The following FAM227A variants were observed in gnomAD, a reference collection of about 807,000 sequenced individuals.
FAM227A encodes the protein family with sequence similarity 227 member A, also known as protein FAM227A.
FAM227A carries 80 observed loss-of-function variants against 74.7 expected under a neutral mutation model. The observed-to-expected ratio is 1.07, with a 90% CI of 0.89 to 1.29. FAM227A has a LOEUF of 1.29. FAM227A is among the 50% of genes most tolerant of loss of function. FAM227A has a pLI of 0.00. For synonymous variants in FAM227A, 237 were observed against 241.8 expected, an observed-to-expected ratio of 0.98 and a Z score of 0.19; for missense variants, 654 against 683.4, an observed-to-expected ratio of 0.96 and a Z score of 0.48.
chr22:38,578,341 G>A lies in FAM227A; in HGVS notation c.*7784C>T, dbSNP rs572060945. The A allele has an allele frequency of 6.6e-6, 1 of 152,144 alleles. No homozygotes were observed. The highest frequency in any genetic ancestry group is 2.4e-5 in the African/African-American group (1 of 41,434). 9.4% of individuals were successfully genotyped at this position (152,144 alleles called of 1,614,324 possible). On this transcript the variant is annotated 3_prime_UTR_variant, in exon 17 of 17. Coordinates refer to ENST00000535113, the MANE Select transcript of FAM227A (RefSeq NM_001013647.2). ...ACCGTCATATATTCAGTCAGCTGCT[G>A]ACTGAAACATCGTTACGTGGTGCAT...
chr22:38,609,929 G>A (rs988949302), intron 11 of FAM227A, among the ~76,000 whole-genome samples: 3 of 152,044 alleles, frequency 2.0e-5, no homozygotes, highest in African/African-American at 4.8e-5. Flanking sequence ...CCGCCACCAC[G>A]CTTGGGTAGG....
chr22:38,644,809 C>T (rs59545179), intron 3 of FAM227A, among the ~76,000 whole-genome samples: 2,442 of 152,208 alleles, frequency 0.016, 64 homozygotes, highest in African/African-American at 0.057. Context: ...AAGTTTAGGC[C>T]GGGCGTGGTG....
At chr22:38,626,350 G>A (rs544302309) in intron 8 of FAM227A, 47 bp from the exon 9 acceptor site, 37 of 1,522,028 alleles carry the variant, frequency 2.4e-5, no homozygotes, top group South Asian at 3.8e-5. Flanking sequence ...ATTTCCACCC[G>A]GCTTACATGA....
chr22:38,591,577 G>A, intron 15 of FAM227A, 37 bp from the exon 16 acceptor site: 1 of 1,442,130 alleles, frequency 6.9e-7, no homozygotes, highest in South Asian at 1.3e-5. Context: ...GAAAAAGGCT[G>A]GAGTGATTAA....
At chr22:38,649,042 C>G (rs2092285810) in intron 2 of FAM227A, among the ~76,000 whole-genome samples, 1 of 151,722 alleles carries the variant, frequency 6.6e-6, no homozygotes, top group Non-Finnish European at 1.5e-5. Flanking sequence ...ACCACAATTT[C>G]TTAGTTGCTA....
chr22:38,655,386 C>G (rs2145766977), intron 1 of FAM227A, among the ~76,000 whole-genome samples: 1 of 151,732 alleles, frequency 6.6e-6, no homozygotes, highest in Admixed American at 6.6e-5. Flanking sequence ...AAAAAATTAG[C>G]CGGGCATGGT....
At chr22:38,595,551 A>AGT (rs1369994654) in intron 15 of FAM227A, among the ~76,000 whole-genome samples, 1 of 152,274 alleles carries the variant, frequency 6.6e-6, no homozygotes, top group African/African-American at 2.4e-5. Context: ...ACCACTGATG[A>AGT]GTGCTAAAAC....
intron 10 of FAM227A, 112 bp downstream of exon 10, chr22:38,623,060 G>A (rs1479429396): frequency 1.6e-5 from 12 of 727,776 alleles, no homozygotes; most frequent in South Asian, 3.6e-5. Flanking sequence ...GGGGGTACCC[G>A]AGAGAGAACT....
At chr22:38,626,799 G>A (rs1231968891) in intron 8 of FAM227A, among the ~76,000 whole-genome samples, 1 of 133,638 alleles carries the variant, frequency 7.5e-6, no homozygotes, top group African/African-American at 2.9e-5. Flanking sequence ...ACTTGAACCA[G>A]GAGGACAGAG....
At chr22:38,648,962 ACT>A (rs1464675790) in intron 2 of FAM227A, among the ~76,000 whole-genome samples, 16 of 143,906 alleles carry the variant, frequency 1.1e-4, no homozygotes, top group Middle Eastern at 3.3e-3. Context: ...ACAGAGTGAG[ACT>A]CTGTCTCAAA....
intron 11 of FAM227A, among the ~76,000 whole-genome samples, chr22:38,615,047 G>A (rs1602957446): frequency 6.6e-6 from 1 of 152,272 alleles, no homozygotes; most frequent in East Asian, 1.9e-4. Flanking sequence ...AAAAGAGATA[G>A]AACAGCAATA....
In FAM227A at chr22:38,582,340, T is replaced by C. The variant is rs2090718323; in HGVS notation, c.*3785A>G. ...AGGACTATAGGATTTTAACTTCATC[T>C]CTTCTAGTTTAACATCTGAATTTAT... On this transcript the variant is annotated 3_prime_UTR_variant, in exon 17 of 17. Transcript: ENST00000535113. The C allele has an allele frequency of 1.3e-6, 2 of 1,549,624 alleles. No homozygotes were observed. The highest frequency in any genetic ancestry group is 1.7e-6 in the Non-Finnish European group (2 of 1,146,282).
intron 11 of FAM227A, among the ~76,000 whole-genome samples, chr22:38,617,740 T>A (rs2091609208): frequency 6.6e-6 from 1 of 152,176 alleles, no homozygotes; most frequent in Admixed American, 6.5e-5. Context: ...GTGGCTCACC[T>A]ATAATTGAAG....
At chr22:38,593,431 G>C (rs905796985) in intron 15 of FAM227A, among the ~76,000 whole-genome samples, 3 of 152,334 alleles carry the variant, frequency 2.0e-5, no homozygotes, top group African/African-American at 7.2e-5. Flanking sequence ...CATGAACCCA[G>C]GAGGCGGAGC....
chr22:38,652,723 A>T (rs1298300332), intron 1 of FAM227A, among the ~76,000 whole-genome samples: 1 of 150,724 alleles, frequency 6.6e-6, no homozygotes, highest in African/African-American at 2.4e-5. Context: ...CGTCTCTACT[A>T]AAAATTAGCC....
chr22:38,597,441 A>T (rs771344058), intron 14 of FAM227A, 85 bp from the exon 15 acceptor site: 1 of 1,331,076 alleles, frequency 7.5e-7, no homozygotes, highest in Non-Finnish European at 1.1e-6. Context: ...GTGCATGGGG[A>T]AGAGGGGCAT....
intron 6 of FAM227A, among the ~76,000 whole-genome samples, chr22:38,630,983 C>A (rs538694948): frequency 1.6e-4 from 25 of 152,268 alleles, no homozygotes; most frequent in African/African-American, 5.8e-4. Flanking sequence ...GTCTGGCCAA[C>A]GTGGTGAAAC....
chr22:38,615,156 G>T (rs1015409761), intron 11 of FAM227A, among the ~76,000 whole-genome samples: 5 of 152,184 alleles, frequency 3.3e-5, no homozygotes, highest in African/African-American at 1.2e-4. Context: ...CCCCGTAGCT[G>T]GGATTATAGG....
At chr22:38,594,215 ATTGCTGC>A (rs2146170275) in intron 15 of FAM227A, among the ~76,000 whole-genome samples, 1 of 152,090 alleles carries the variant, frequency 6.6e-6, no homozygotes, top group South Asian at 2.1e-4. Flanking sequence ...TGGCCACTAC[ATTGCTGC>A]TTGCTGCTTC....
Sources: gnomAD v4.1 joint callset for allele counts (sites outside exome capture counted in the v4.1 genomes callset) on GRCh38, gnomAD v4.1.1 for gene constraint, MANE v1.5 for transcripts, NCBI Gene and HGNC (gene_info 2026-07-23, HGNC 2026-07-21) for gene names.